Variants in STAT2 observed in about 807,000 individuals in gnomAD.
STAT2 encodes signal transducer and activator of transcription 2, also known as interferon alpha induced transcriptional activator.
In STAT2, 51 loss-of-function variants were observed where a neutral mutation model predicts 122.3. That is an observed-to-expected ratio of 0.42 (90% confidence interval 0.33 to 0.53). The LOEUF (loss-of-function observed/expected upper bound fraction) is 0.53, where lower values mean the gene tolerates loss of function less well. Among genes scored for constraint, STAT2 ranks in the 20% least tolerant of loss-of-function variants. STAT2 has a pLI of 0.10. For synonymous variants in STAT2, 351 were observed against 394.9 expected (o/e 0.89, Z 1.32); for missense variants, 736 against 1,010.3 (o/e 0.73, Z 3.68).
chr12:56,351,494 G>C (rs1189544941), intron 8 of STAT2, 44 bp from the exon 9 acceptor site: 7 of 1,594,584 alleles, frequency 4.4e-6, no homozygotes, highest in Non-Finnish European at 1.7e-6. Flanking sequence ...GAGTTTCCTG[G>C]ATTCCCCCAT....
At chr12:56,350,361 T>C (rs374613345) in intron 12 of STAT2, 51 bp downstream of exon 12, 105 of 1,557,530 alleles carry the variant, frequency 6.7e-5, no homozygotes, top group Middle Eastern at 1.7e-4. Context: ...AATGTGGTTC[T>C]GCAGGTCATA....
intron 19 of STAT2, 151 bp from the exon 20 acceptor site, chr12:56,347,106 C>T (rs1877604278): frequency 8.3e-7 from 1 of 1,207,572 alleles, no homozygotes; most frequent in Non-Finnish European, 1.1e-6. Context: ...TTATCTTTTA[C>T]AAGTCACTTC....
Position 56,349,578 on chromosome 12 carries a change from C to T in STAT2, c.1257+11G>A, listed in dbSNP as rs1565652563. 6.2e-7 allele frequency: 1 copy of T among 1,614,168 alleles called. No homozygotes were observed. The highest frequency in any genetic ancestry group is 8.5e-7 in the Non-Finnish European group (1 of 1,180,034). ...GCTCCCCCTGCCTCGAGTCCTCTGT[C>T]CAGATCTCACCTTATTGCTGCCCTT... On this transcript the variant is annotated intron_variant, in intron 14 of 23. Transcript: ENST00000314128.
At chr12:56,350,932 C>T in intron 10 of STAT2, 44 bp from the exon 11 acceptor site, 1 of 1,607,900 alleles carries the variant, frequency 6.2e-7, no homozygotes, top group East Asian at 2.2e-5. Context: ...CAACCTCAAC[C>T]TTCCGGATAG....
chr12:56,356,306 G>C (rs745573882), intron 2 of STAT2, 21 bp from the exon 3 acceptor site: 3 of 1,609,764 alleles, frequency 1.9e-6, no homozygotes, highest in Non-Finnish European at 2.5e-6. Flanking sequence ...GGAATAAGAA[G>C]TATTAGTGTC....
At chr12:56,357,682 C>T (rs1322636336) in intron 1 of STAT2, among the ~76,000 whole-genome samples, 3 of 151,104 alleles carry the variant, frequency 2.0e-5, no homozygotes, top group Admixed American at 6.6e-5. Context: ...AATAAGTGGG[C>T]CTTTGTGCTT....
chr12:56,354,754 C>T (rs1565658614), intron 7 of STAT2, 24 bp downstream of exon 7: 1 of 1,614,106 alleles, frequency 6.2e-7, no homozygotes, highest in African/African-American at 1.3e-5. Context: ...TTGTTGCCCA[C>T]ATGTTCTGTC....
Position 56,346,563 on chromosome 12 carries a change from C to T in STAT2, c.1923G>A (p.Leu641=). Residue 641 remains leucine, a synonymous_variant, in exon 21 of 24, where the codon CTG becomes CTA. Transcript: ENST00000314128. ...YTKEVLQSLP[L]TEIIRHYQLL... is the part of the protein sequence containing the mutation. The stretch of plus-strand genomic sequence containing the variant: ...ACTGGTAATGGCGGATGATTTCAGT[C>T]AGCGGGAGTGACTGCAGCACCTCCT... The T allele has an allele frequency of 6.2e-7, 1 of 1,614,196 alleles. No individual in the cohort carries two copies.
Position 56,349,582 on chromosome 12 carries a change from A to C in STAT2, c.1257+7T>G, listed in dbSNP as rs777929120. 6 of 1,614,090 alleles carry C rather than the reference A, an allele frequency of 3.7e-6. No homozygotes were observed. Among genetic ancestry groups the C allele is most frequent in the Non-Finnish European group, 5.1e-6 (6 of 1,180,024 alleles). On this transcript the variant is annotated splice_region_variant and intron_variant, in intron 14 of 23. Transcript: ENST00000314128. The stretch of plus-strand genomic sequence containing the variant: ...CCCCTGCCTCGAGTCCTCTGTCCAG[A>C]TCTCACCTTATTGCTGCCCTTTCCT...
rs1460147444 is a variant in STAT2, at chr12:56,350,010, C to T, written c.1209+87G>A. 28 of 1,228,696 alleles carry T rather than the reference C, an allele frequency of 2.3e-5. No homozygotes were observed. In the African/African-American group the frequency reaches 3.2e-4, roughly 14 times the overall value. The allele number at this position is 1,228,696 out of a possible 1,614,324, so 76.1% of individuals were successfully genotyped here. ...GTTGCTGTGAGCCAAGATGGCACCA[C>T]TGCACTCCAGCCTGGGGGACAGAGT... On this transcript the variant is annotated intron_variant, in intron 13 of 23. Transcript: ENST00000314128.
chr12:56,355,038 C>T, intron 6 of STAT2, 175 bp from the exon 7 acceptor site: 1 of 733,844 alleles, frequency 1.4e-6, no homozygotes, highest in South Asian at 1.8e-5. Flanking sequence ...GGACCAGACA[C>T]CCCCTCAAAT....
chr12:56,351,513 C>T (rs1878476583), intron 8 of STAT2, 63 bp from the exon 9 acceptor site: 6 of 1,549,420 alleles, frequency 3.9e-6, no homozygotes, highest in Admixed American at 2.0e-5. Flanking sequence ...ATCCAGGTTC[C>T]AAGATCTCTC....
At chr12:56,349,754 T>C in intron 13 of STAT2, 118 bp from the exon 14 acceptor site, 1 of 1,377,822 alleles carries the variant, frequency 7.3e-7, no homozygotes, top group South Asian at 1.2e-5. Flanking sequence ...CCTGTTCCTT[T>C]GGACTAAAAG....
rs1284271695 is a variant in STAT2 at position 56,349,181 on chromosome 12, C to A, written c.1422G>T (p.Leu474Phe). 1.2e-6 allele frequency: 2 copies of A among 1,613,984 alleles called. No individual in the cohort carries two copies. Among genetic ancestry groups the A allele is most frequent in the Non-Finnish European group, 1.7e-6 (2 of 1,180,056 alleles). ...IAWASVLWFN[L>F]LSPNLQNQQF... ...CCCCTACCTGAAGGTTTGGGCTGAG[C>A]AAATTGAACCAGAGAACTGAAGCCC... The change falls in exon 16 of 24, where the codon TTG (leucine) becomes TTT (phenylalanine). Residue 474 changes from leucine to phenylalanine, a missense_variant. Coordinates refer to ENST00000314128, the MANE Select transcript of STAT2 (RefSeq NM_005419.4).
rs146575154 is a variant in STAT2 at position 56,351,847 on chromosome 12, G to A, written c.783-397C>T. Among the ~76,000 whole-genome samples the A allele has an allele frequency of 2.1e-4, 32 of 152,046 alleles. No homozygotes were observed. In the East Asian group the frequency reaches 4.8e-3, roughly 23 times the overall value. On this transcript the variant is annotated intron_variant, in intron 8 of 23. Coordinates refer to ENST00000314128, the MANE Select transcript of STAT2 (RefSeq NM_005419.4). ...GCTTAAGGTCATACAACTAGTAAGG[G>A]ATGAAGCTTGTATGTGATCCCAGGC...
chr12:56,345,524 A>AATATATATATATATATGCATATATAT lies in STAT2; in HGVS notation c.2102+621_2102+622insATATATATGCATATATATATATATAT, dbSNP rs1555169411. 7.6e-5 allele frequency among the ~76,000 whole-genome samples: 2 copies of AATATATATATATATATGCATATATAT among 26,250 alleles called. 1 individual carries two copies. Among genetic ancestry groups the AATATATATATATATATGCATATATAT allele is most frequent in the African/African-American group, 1.1e-3 (2 of 1,872 alleles). The allele number at this position is 26,250 out of a possible 152,430, so 17.2% of individuals were successfully genotyped here. A position where few individuals can be genotyped will look rare whatever the true frequency, so the allele number is the denominator to read the frequency against. ...AAAAAAAAAAAAAAAAAAAAAAAAAAATATATATATATGCGGGGTGTGGTG... is the reference window on the plus strand; with the variant it reads ...AAAAAAAAAAAAAAAAAAAAAAAAAAATATATATATATATATGCATATATATATATATATATATGCGGGGTGTGGTG... On this transcript the variant is annotated intron_variant, in intron 22 of 23. Transcript: ENST00000314128.
In STAT2 at chr12:56,355,480, A is replaced by G; in HGVS notation, c.434T>C (p.Ile145Thr). The G allele has an allele frequency of 6.2e-7, 1 of 1,614,198 alleles. No homozygotes were observed. Among genetic ancestry groups the G allele is most frequent in the Non-Finnish European group, 8.5e-7 (1 of 1,180,038 alleles). Reference protein sequence around the residue: ...ETPVESQQHEIESRILDLRAM... With the variant: ...ETPVESQQHETESRILDLRAM... Reference sequence around the variant, plus strand: ...CCTTAAATCCAGGATCCGGGATTCAATCTCATGTTGCTGGCTCTCCACAGG... The same window carrying G: ...CCTTAAATCCAGGATCCGGGATTCAGTCTCATGTTGCTGGCTCTCCACAGG... The change falls in exon 5 of 24, where the codon ATT becomes ACT. Residue 145 changes from isoleucine to threonine, a missense_variant. Ile to Thr is a moderately conservative substitution (Grantham distance 89, BLOSUM62 -1). Coordinates refer to ENST00000314128, the MANE Select transcript of STAT2 (RefSeq NM_005419.4).
At chr12:56,343,566 CTTAG>C (rs1373947432) in intron 23 of STAT2, 35 bp from the exon 24 acceptor site, 34 of 1,603,804 alleles carry the variant, frequency 2.1e-5, no homozygotes, top group Middle Eastern at 1.7e-4. Flanking sequence ...AGGCCCCGAT[CTTAG>C]TTAGGAGTTC....
intron 13 of STAT2, 104 bp from the exon 14 acceptor site, chr12:56,349,740 A>C (rs1878148534): frequency 6.8e-7 from 1 of 1,460,036 alleles, no homozygotes; most frequent in African/African-American, 1.4e-5. Context: ...AACTTCCCCC[A>C]ACCCCTGTTC....
Sources: allele counts gnomAD v4.1 joint callset (sites outside exome capture counted in the v4.1 genomes callset), GRCh38; gene constraint gnomAD v4.1.1; transcripts MANE v1.5; gene names NCBI Gene and HGNC (gene_info 2026-07-23, HGNC 2026-07-21).